BFSP2: variants seen among roughly 807,000 people sequenced by gnomAD.
The protein encoded by BFSP2 is phakinin.
In BFSP2, 38 loss-of-function variants were observed where a neutral mutation model predicts 44.9. That is an observed-to-expected ratio of 0.85 (90% CI 0.65 to 1.11). The LOEUF (loss-of-function observed/expected upper bound fraction) is 1.11. Among genes scored for constraint, BFSP2 ranks in the 50% least tolerant of loss-of-function variants. The probability of loss-of-function intolerance (pLI) is 0.00; values close to 1 mark genes in which losing one functional copy is unlikely to be tolerated. For synonymous variants in BFSP2, 197 were observed against 209.9 expected (o/e 0.94, Z 0.53); for missense variants, 525 against 533.0 (o/e 0.99, Z 0.15).
chr3:133,422,437 C>T (rs1425634681), intron 1 of BFSP2, among the ~76,000 whole-genome samples: 1 of 152,176 alleles, frequency 6.6e-6, no homozygotes, highest in Non-Finnish European at 1.5e-5. Context: ...CTGACTCCTA[C>T]CTCTCTCTTC....
At chr3:133,470,781 G>A (rs887080410) in intron 5 of BFSP2, among the ~76,000 whole-genome samples, 1 of 152,184 alleles carries the variant, frequency 6.6e-6, no homozygotes. Flanking sequence ...TGGAAAAGAC[G>A]TGCCCATAAG....
chr3:133,452,793 CTT>C (rs2073977626), intron 4 of BFSP2, among the ~76,000 whole-genome samples: 1 of 152,146 alleles, frequency 6.6e-6, no homozygotes, highest in Non-Finnish European at 1.5e-5. Context: ...AGTTTGCAAA[CTT>C]TGCTTCTGTC....
At chr3:133,415,552 C>T (rs1392383075) in intron 1 of BFSP2, among the ~76,000 whole-genome samples, 1 of 103,710 alleles carries the variant, frequency 9.6e-6, no homozygotes, top group Non-Finnish European at 2.1e-5. Context: ...TCTCTCCCCT[C>T]TACTCACCCC....
intron 1 of BFSP2, among the ~76,000 whole-genome samples, chr3:133,434,197 A>G (rs78636554): frequency 0.37 from 56,049 of 151,986 alleles, 12,926 homozygotes; most frequent in African/African-American, 0.66. Context: ...CAGATGTCCT[A>G]GGTCCTGCCA....
intron 1 of BFSP2, among the ~76,000 whole-genome samples, chr3:133,406,143 G>A (rs1454339047): frequency 6.7e-6 from 1 of 148,930 alleles, no homozygotes; most frequent in Non-Finnish European, 1.5e-5. Flanking sequence ...ATTTTTAGTA[G>A]AGACAGGGTT....
Position 133,402,233 on chromosome 3 carries a change from G to A in BFSP2, c.489+1661G>A, listed in dbSNP as rs927457411. ...CCCAATGGCTAGGTTAAAAAGTAGGGCCACAAAACTTAGTTTATACTCAAT... is the reference window on the plus strand; with the variant it reads ...CCCAATGGCTAGGTTAAAAAGTAGGACCACAAAACTTAGTTTATACTCAAT... On this transcript the variant is annotated intron_variant, in intron 1 of 6. Transcript: ENST00000302334. 3.9e-5 allele frequency among the ~76,000 whole-genome samples: 6 copies of A among 152,244 alleles called. No homozygotes were observed. In the South Asian group the frequency reaches 1.0e-3, roughly 26 times the overall value.
chr3:133,435,400 C>G (rs561288434), intron 1 of BFSP2, among the ~76,000 whole-genome samples: 1 of 152,150 alleles, frequency 6.6e-6, no homozygotes, highest in African/African-American at 2.4e-5. Flanking sequence ...TTGCTATGAC[C>G]GGACCCCTTC....
chr3:133,450,120 A>G (rs1305655832), intron 3 of BFSP2, among the ~76,000 whole-genome samples, 183 bp from the exon 4 acceptor site: 2 of 152,014 alleles, frequency 1.3e-5, no homozygotes, highest in Non-Finnish European at 2.9e-5. Context: ...CATCCTTGGG[A>G]AAAGAGAAAT....
chr3:133,465,647 C>G (rs1171785505), intron 4 of BFSP2, among the ~76,000 whole-genome samples: 1 of 152,148 alleles, frequency 6.6e-6, no homozygotes, highest in East Asian at 1.9e-4. Flanking sequence ...TGACTAGACA[C>G]ATGGTTTTCA....
At chr3:133,439,414 A>G (rs2073822788) in intron 1 of BFSP2, among the ~76,000 whole-genome samples, 1 of 152,252 alleles carries the variant, frequency 6.6e-6, no homozygotes, top group South Asian at 2.1e-4. Context: ...GTGCTAAGGA[A>G]GCAGAGATGA....
At chr3:133,463,235 G>A (rs2074080181) in intron 4 of BFSP2, among the ~76,000 whole-genome samples, 1 of 152,172 alleles carries the variant, frequency 6.6e-6, no homozygotes, top group Non-Finnish European at 1.5e-5. Flanking sequence ...CTTGAACCTG[G>A]GAGGCAGAGG....
At chr3:133,474,782 G>GA (rs2074199704) in intron 6 of BFSP2, among the ~76,000 whole-genome samples, 187 bp from the exon 7 acceptor site, 1 of 152,202 alleles carries the variant, frequency 6.6e-6, no homozygotes, top group Non-Finnish European at 1.5e-5. Flanking sequence ...CAAAGCCTCA[G>GA]AGAGCTTAAG....
chr3:133,438,667 G>T (rs2073815260), intron 1 of BFSP2, among the ~76,000 whole-genome samples: 1 of 152,174 alleles, frequency 6.6e-6, no homozygotes, highest in African/African-American at 2.4e-5. Context: ...TAAATCAGGT[G>T]ATAATTAAAT....
intron 1 of BFSP2, among the ~76,000 whole-genome samples, chr3:133,401,709 T>C (rs2107872485): frequency 6.6e-6 from 1 of 152,234 alleles, no homozygotes; most frequent in Non-Finnish European, 1.5e-5. Flanking sequence ...GCAAAATCAG[T>C]CTCTAACCCA....
At chr3:133,422,105 C>CAAA (rs35193779) in intron 1 of BFSP2, among the ~76,000 whole-genome samples, 10,555 of 83,756 alleles carry the variant, frequency 0.13, 910 homozygotes, top group Middle Eastern at 0.14. Context: ...GACTCCATCT[C>CAAA]AAAAAAAAAA....
chr3:133,407,755 AG>A (rs2073416246), intron 1 of BFSP2, among the ~76,000 whole-genome samples: 1 of 152,224 alleles, frequency 6.6e-6, no homozygotes, highest in African/African-American at 2.4e-5. Context: ...GTATTGATGA[AG>A]GCAGCATTTG....
intron 4 of BFSP2, among the ~76,000 whole-genome samples, chr3:133,453,592 G>A (rs2073985077): frequency 1.3e-5 from 2 of 152,118 alleles, no homozygotes; most frequent in African/African-American, 2.4e-5. Flanking sequence ...TGTGAGAAAC[G>A]GTATAGACTA....
intron 4 of BFSP2, among the ~76,000 whole-genome samples, chr3:133,460,131 T>G (rs2074048695): frequency 6.6e-6 from 1 of 152,170 alleles, no homozygotes; most frequent in South Asian, 2.1e-4. Flanking sequence ...GGATGAAATT[T>G]TCCACAAAAG....
chr3:133,410,910 T>C (rs1347387118), intron 1 of BFSP2: 3 of 154,356 alleles, frequency 1.9e-5, no homozygotes, highest in Non-Finnish European at 4.4e-5. Context: ...TGATTGAACT[T>C]GAACTGCCTT....
Sources: allele counts gnomAD v4.1 joint callset (sites outside exome capture counted in the v4.1 genomes callset), GRCh38; gene constraint gnomAD v4.1.1; transcripts MANE v1.5; gene names NCBI Gene and HGNC (gene_info 2026-07-23, HGNC 2026-07-21).